The following EIF2D variants were observed in gnomAD, a reference collection of about 807,000 sequenced individuals.
The protein encoded by EIF2D is hepatocellular carcinoma-associated antigen 56.
Under a neutral mutation model 77.4 loss-of-function variants are expected in EIF2D, and 56 were observed. The ratio of observed to expected loss-of-function variants is 0.72; its 90% CI spans 0.58 to 0.90. The LOEUF is 0.90. Among genes scored for constraint, EIF2D ranks in the 40% least tolerant of loss-of-function variants. EIF2D has a pLI of 0.00. For missense variants in EIF2D, 574 were observed against 706.5 expected (o/e 0.81, Z 2.13); for synonymous variants, 230 against 271.0 (o/e 0.85, Z 1.49).
intron 2 of EIF2D, among the ~76,000 whole-genome samples, chr1:206,609,872 A>G (rs1163843700): frequency 6.6e-6 from 1 of 152,186 alleles, no homozygotes; most frequent in African/African-American, 2.4e-5. Context: ...CCCTAGGTCA[A>G]AAAGCATTGT....
intron 14 of EIF2D, among the ~76,000 whole-genome samples, 153 bp downstream of exon 14, chr1:206,593,466 G>GGA (rs781913118): frequency 0.13 from 12,835 of 100,494 alleles, 661 homozygotes; most frequent in African/African-American, 0.2. Flanking sequence ...AAAACTAAAT[G>GGA]GAGAGAGAGA....
intron 2 of EIF2D, chr1:206,583,304 G>A (rs376852062): frequency 1.1e-5 from 17 of 1,613,506 alleles, no homozygotes; most frequent in African/African-American, 4.0e-5. Context: ...CACAGCGCCC[G>A]CCCACACTGC....
chr1:206,600,027 T>A (rs868981359), intron 8 of EIF2D, among the ~76,000 whole-genome samples, 191 bp from the exon 9 acceptor site: 2 of 152,048 alleles, frequency 1.3e-5, no homozygotes, highest in South Asian at 4.2e-4. Context: ...GACTAACCAG[T>A]GAGGCCGTTC....
intron 2 of EIF2D, 43 bp downstream of exon 2, chr1:206,611,141 G>T: frequency 1.3e-6 from 2 of 1,538,608 alleles, no homozygotes; most frequent in South Asian, 1.2e-5. Flanking sequence ...TGTTAGGCAA[G>T]AACTACCTAA....
Position 206,600,236 on chromosome 1 carries a change from G to A in EIF2D, c.948+27C>T, listed in dbSNP as rs781810892. Reference sequence around the variant, plus strand: ...TGTGCCCCTACACAACTCTCTGCATGGGTCTGCAAAGAAGATCCTTGCTTA... The same window carrying A: ...TGTGCCCCTACACAACTCTCTGCATAGGTCTGCAAAGAAGATCCTTGCTTA... On this transcript the variant is annotated intron_variant, in intron 8 of 14. Coordinates refer to ENST00000271764, the MANE Select transcript of EIF2D (RefSeq NM_006893.3). 115 of 1,610,520 alleles carry A rather than the reference G, an allele frequency of 7.1e-5. 2 individuals are homozygous for A. In the South Asian group the frequency reaches 1.2e-3, roughly 17 times the overall value.
At chr1:206,585,513 C>T (rs1553407468) in intron 2 of EIF2D, 1 of 415,006 alleles carries the variant, frequency 2.4e-6, no homozygotes, top group Non-Finnish European at 4.4e-6. Flanking sequence ...CTGTGTGTGG[C>T]AAGGCCTGTG....
intron 2 of EIF2D, chr1:206,583,380 G>C: frequency 6.3e-7 from 1 of 1,597,754 alleles, no homozygotes; most frequent in Non-Finnish European, 8.6e-7. Flanking sequence ...CATGAAACTG[G>C]TAAGCGCCCG....
chr1:206,577,026 G>A (rs1167188852), intron 4 of EIF2D, among the ~76,000 whole-genome samples: 1 of 151,468 alleles, frequency 6.6e-6, no homozygotes, highest in Non-Finnish European at 1.5e-5. Context: ...GCCCAGACTG[G>A]TCTCGAACTC....
downstream of EIF2D, among the ~76,000 whole-genome samples, chr1:206,591,366 G>C (rs938644247): frequency 1.3e-5 from 2 of 152,144 alleles, no homozygotes; most frequent in Non-Finnish European, 2.9e-5. Context: ...TGTTTTCTAC[G>C]TGACTAACCC....
chr1:206,581,470 G>A (rs570993368), intron 2 of EIF2D, among the ~76,000 whole-genome samples: 20 of 152,142 alleles, frequency 1.3e-4, no homozygotes, highest in African/African-American at 3.1e-4. Context: ...GTGGTGGTGC[G>A]CACCTGTAAT....
intron 4 of EIF2D, among the ~76,000 whole-genome samples, chr1:206,573,322 A>T (rs1668517933): frequency 6.6e-6 from 1 of 152,216 alleles, no homozygotes; most frequent in Non-Finnish European, 1.5e-5. Context: ...AAACTGAGGC[A>T]TATAGATTTT....
Position 206,599,778 on chromosome 1 carries a change from C to T in EIF2D, c.1007G>A (p.Ser336Asn), listed in dbSNP as rs781828758. ...QEQIIQVKEL[S>N]KGVESIVAVD... ...AGCCACAATGCTCTCCACCCCTTTGCTCAGCTCCTTCACCTGTATAATCTG... is the reference window on the plus strand; with the variant it reads ...AGCCACAATGCTCTCCACCCCTTTGTTCAGCTCCTTCACCTGTATAATCTG... The change falls in exon 9 of 15, where the codon AGC becomes AAC. Residue 336 changes from serine to asparagine, a missense_variant. Physicochemically the swap from Ser to Asn is conservative, Grantham distance 46. Coordinates refer to ENST00000271764, the MANE Select transcript of EIF2D (RefSeq NM_006893.3). This position sits in a 1 kb window ranked among gnomAD's most constrained non-coding sequence, Gnocchi z 4.1. 1 of 1,614,072 alleles carries T rather than the reference C, an allele frequency of 6.2e-7. No individual in the cohort carries two copies. The highest frequency in any genetic ancestry group is 8.5e-7 in the Non-Finnish European group (1 of 1,180,036).
intron 8 of EIF2D, 94 bp downstream of exon 8, chr1:206,600,169 G>C (rs1669853276): frequency 7.9e-7 from 1 of 1,270,848 alleles, no homozygotes; most frequent in East Asian, 2.3e-5. Flanking sequence ...GACTGAGCCT[G>C]GTAGACAAGG....
In EIF2D at chr1:206,579,119, T is replaced by C. The variant is rs1668770281; in HGVS notation, c.*254+1573A>G. ...CCAGAGCTAAAAGAAGACATTGCCC[T>C]TTTCCACCGCATAGGACATGTGAGC... On this transcript the variant is annotated intron_variant and NMD_transcript_variant, in intron 4 of 5. Coordinates refer to the EIF2D transcript ENST00000472709. The surrounding 1 kb of genome is among the most constrained non-coding windows in gnomAD (Gnocchi z 4.2). 6.6e-6 allele frequency among the ~76,000 whole-genome samples: 1 copy of C among 152,116 alleles called. No homozygotes were observed. Among genetic ancestry groups the C allele is most frequent in the Non-Finnish European group, 1.5e-5 (1 of 68,010 alleles).
intron 2 of EIF2D, among the ~76,000 whole-genome samples, chr1:206,609,870 C>CA (rs1391816545): frequency 6.6e-6 from 1 of 152,124 alleles, no homozygotes; most frequent in Non-Finnish European, 1.5e-5. Flanking sequence ...ACCCCTAGGT[C>CA]AAAAAGCATT....
At chr1:206,600,413 CAG>C in intron 7 of EIF2D, 105 bp from the exon 8 acceptor site, 2 of 1,002,702 alleles carry the variant, frequency 2.0e-6, no homozygotes, top group Non-Finnish European at 3.1e-6. Flanking sequence ...CCCCCACCTT[CAG>C]AGAGAGGCCA....
chr1:206,575,735 A>G (rs1321948780), intron 4 of EIF2D, among the ~76,000 whole-genome samples: 3 of 152,224 alleles, frequency 2.0e-5, no homozygotes, highest in Admixed American at 1.3e-4. Context: ...GTATCACTTC[A>G]TGATTTCACA....
rs1360280326 is a variant in EIF2D, at chr1:206,605,574, T to C, written c.423-67A>G. On this transcript the variant is annotated intron_variant, in intron 4 of 14. Coordinates refer to ENST00000271764, the MANE Select transcript of EIF2D (RefSeq NM_006893.3). ...ATGGGAAGGGCACATGTTAGGATCA[T>C]CTTCTGACACATGTGGTAAAAATAC... The C allele has an allele frequency of 3.7e-6, 5 of 1,346,464 alleles. No individual in the cohort carries two copies. In the Admixed American group the frequency reaches 9.2e-5, roughly 25 times the overall value. 83.4% of individuals were successfully genotyped at this position (1,346,464 alleles called of 1,614,324 possible). A position where few individuals can be genotyped will look rare whatever the true frequency, so the allele number is the denominator to read the frequency against.
At position 206,579,232 on chromosome 1, in the gene EIF2D, G is replaced by A. The variant is rs958767532; in HGVS notation, c.*254+1460C>T. Among the ~76,000 whole-genome samples the A allele has an allele frequency of 9.2e-5, 14 of 152,188 alleles. No homozygotes were observed. The highest frequency in any genetic ancestry group is 3.1e-4 in the African/African-American group (13 of 41,440). On this transcript the variant is annotated intron_variant and NMD_transcript_variant, in intron 4 of 5. Transcript: ENST00000472709. This position sits in a 1 kb window ranked among gnomAD's most constrained non-coding sequence, Gnocchi z 4.2. ...TGCCACCAATGCCAGGGGCTTAATC[G>A]GAATAGATGAATTCCATGCCAGATG...
Sources: gnomAD v4.1 joint callset for allele counts (sites outside exome capture counted in the v4.1 genomes callset) on GRCh38, gnomAD v4.1.1 for gene constraint, Gnocchi (gnomAD v3.1) non-coding constraint, MANE v1.5 for transcripts, NCBI Gene and HGNC (gene_info 2026-07-23, HGNC 2026-07-21) for gene names.